Variants in BCLAF1 observed in about 807,000 individuals in gnomAD.
BCLAF1 encodes the protein bcl-2-associated transcription factor 1.
In BCLAF1, 10 loss-of-function variants were observed where a neutral mutation model predicts 99.5. The ratio of observed to expected loss-of-function variants is 0.10; its 90% CI spans 0.06 to 0.17. BCLAF1 has a LOEUF of 0.17. BCLAF1 is among the 10% of genes least tolerant of loss of function. The pLI is 1.00. For synonymous variants in BCLAF1, 255 were observed against 370.9 expected (o/e 0.69, Z 3.59); for missense variants, 636 against 1,105.8 (o/e 0.58, Z 6.02).
At chr6:136,277,502 AAGAGG>A (rs552170512) in intron 4 of BCLAF1, among the ~76,000 whole-genome samples, 487 of 152,298 alleles carry the variant, frequency 3.2e-3, no homozygotes, top group Non-Finnish European at 5.0e-3. Flanking sequence ...TGGTAAAATT[AAGAGG>A]AGGGATAGAA....
At chr6:136,266,569 A>C (rs1781743315) in intron 11 of BCLAF1, among the ~76,000 whole-genome samples, 1 of 152,046 alleles carries the variant, frequency 6.6e-6, no homozygotes, top group Non-Finnish European at 1.5e-5. Context: ...GTAATTTTTC[A>C]TCATCTTTTT....
chr6:136,270,196 T>C (rs1344479445), intron 8 of BCLAF1: 1 of 151,856 alleles, frequency 6.6e-6, no homozygotes, highest in Non-Finnish European at 1.5e-5. Context: ...AACCAATTGG[T>C]TGAACAAGGG....
intron 1 of BCLAF1, among the ~76,000 whole-genome samples, chr6:136,283,178 C>CAAAAAAA (rs1173234336): frequency 1.9e-5 from 1 of 52,036 alleles, no homozygotes; most frequent in African/African-American, 7.8e-5. Flanking sequence ...GACCCCATCT[C>CAAAAAAA]AAAAAAAAAA....
chr6:136,271,079 CA>C (rs1300245649), intron 8 of BCLAF1, among the ~76,000 whole-genome samples: 1 of 151,670 alleles, frequency 6.6e-6, no homozygotes, highest in East Asian at 1.9e-4. Context: ...TACCACTGTC[CA>C]TAACAGCTTC....
At chr6:136,274,371 T>C (rs941163574) in intron 6 of BCLAF1, among the ~76,000 whole-genome samples, 3 of 148,258 alleles carry the variant, frequency 2.0e-5, no homozygotes, top group African/African-American at 7.4e-5. Flanking sequence ...CAGTAATAAA[T>C]TGTAAAATGT....
intron 8 of BCLAF1, among the ~76,000 whole-genome samples, chr6:136,271,473 T>G (rs1006497553): frequency 3.3e-5 from 5 of 151,890 alleles, no homozygotes; most frequent in Admixed American, 6.6e-5. Flanking sequence ...TTAAAAGACA[T>G]TCCCCCAATC....
intron 4 of BCLAF1, 77 bp downstream of exon 4, chr6:136,277,788 T>A (rs2128482500): frequency 6.8e-7 from 1 of 1,478,270 alleles, no homozygotes; most frequent in Admixed American, 2.3e-5. Flanking sequence ...ATATCACAAT[T>A]TTACGTTTAT....
At chr6:136,288,886 T>C (rs1041209167) in intron 1 of BCLAF1, among the ~76,000 whole-genome samples, 9 of 152,214 alleles carry the variant, frequency 5.9e-5, no homozygotes, top group Non-Finnish European at 1.3e-4. Context: ...AAGACTCGGC[T>C]TCGCTAGTAC....
In BCLAF1 at chr6:136,278,748, T is replaced by C; in HGVS notation, c.133A>G (p.Arg45Gly). 6.3e-7 allele frequency: 1 copy of C among 1,578,558 alleles called. No homozygotes were observed. Among genetic ancestry groups the C allele is most frequent in the Non-Finnish European group, 8.6e-7 (1 of 1,165,630 alleles). ...SSRSRSRTYS[R>G]SRSRDRMYSR... ...TACATACGATCTCTACTACGAGACC[T>C]TGAATATGTTCTGGAACGAGACCTA... is the stretch of plus-strand genomic sequence containing the variant. Residue 45 changes from arginine (R) to glycine (G), a missense_variant, in exon 4 of 13, where the codon AGG becomes GGG. Arg to Gly is a moderately radical substitution (Grantham distance 125). This residue lies in a region of BCLAF1 where 81 missense variants were observed against 132.5 expected (regional missense o/e 0.61). Coordinates refer to ENST00000531224, the MANE Select transcript of BCLAF1 (RefSeq NM_014739.3).
chr6:136,269,086 GGGT>G (rs1782152645), intron 9 of BCLAF1: 11 of 1,129,842 alleles, frequency 9.7e-6, no homozygotes, highest in Non-Finnish European at 1.2e-5. Flanking sequence ...CTTGTACTCT[GGGT>G]GTTATGAGTT....
intron 6 of BCLAF1, 32 bp from the exon 7 acceptor site, chr6:136,273,219 G>C (rs200651745): frequency 6.4e-7 from 1 of 1,571,484 alleles, no homozygotes; most frequent in East Asian, 2.2e-5. Flanking sequence ...TGTCCGATTA[G>C]TTAACTTTAC....
At chr6:136,289,447 C>A (rs908005990) in intron 1 of BCLAF1, among the ~76,000 whole-genome samples, 5 of 152,130 alleles carry the variant, frequency 3.3e-5, no homozygotes, top group Admixed American at 2.6e-4. Context: ...CACGGGAGGC[C>A]GCGCGGGCTG....
chr6:136,275,772 G>C (rs1265668143), intron 5 of BCLAF1, 71 bp from the exon 6 acceptor site: 3 of 1,564,710 alleles, frequency 1.9e-6, no homozygotes, highest in Non-Finnish European at 1.7e-6. Flanking sequence ...GGTATGTTCA[G>C]AAAGTTTAAG....
rs1487576779 is a variant in BCLAF1 at position 136,260,860 on chromosome 6, C to T, written c.*250G>A. On this transcript the variant is annotated 3_prime_UTR_variant, in exon 13 of 13. Coordinates refer to ENST00000531224, the MANE Select transcript of BCLAF1 (RefSeq NM_014739.3). ...AGAATTACAATGCATGTAACAAAAA[C>T]GTTAAAAGTTTTAAAAGTTGATAGT... The T allele has an allele frequency of 1.7e-5, 8 of 477,940 alleles. No homozygotes were observed. The highest frequency in any genetic ancestry group is 1.5e-5 in the Non-Finnish European group (4 of 268,984). The allele number at this position is 477,940 out of a possible 1,614,324, so 29.6% of individuals were successfully genotyped here.
chr6:136,273,995 T>C, intron 6 of BCLAF1: 1 of 1,247,266 alleles, frequency 8.0e-7, no homozygotes. Flanking sequence ...TCATAACCAA[T>C]CATTAAAACT....
chr6:136,289,500 T>C (rs1785669947), intron 1 of BCLAF1, among the ~76,000 whole-genome samples: 1 of 152,220 alleles, frequency 6.6e-6, no homozygotes, highest in African/African-American at 2.4e-5. Context: ...CGCCCGCCGT[T>C]AGCACTGCTC....
At chr6:136,282,794 A>G (rs1459301440) in intron 1 of BCLAF1, 107 bp from the exon 2 acceptor site, 1 of 152,186 alleles carries the variant, frequency 6.6e-6, no homozygotes, top group Non-Finnish European at 1.5e-5. Flanking sequence ...ACGCACTTAC[A>G]ATTTCAGGGA....
rs1780528165 is a variant in BCLAF1, at chr6:136,257,392, G to A, written c.*3718C>T. ...CTGGTACCCTTAATTAAATGTACAA[G>A]TTTGGTCTCATTACCATCATTGACA... On this transcript the variant is annotated 3_prime_UTR_variant, in exon 13 of 13. Coordinates refer to ENST00000531224, the MANE Select transcript of BCLAF1 (RefSeq NM_014739.3). The A allele has an allele frequency of 6.6e-6, 1 of 152,116 alleles. No individual in the cohort carries two copies. The highest frequency in any genetic ancestry group is 2.4e-5 in the African/African-American group (1 of 41,422). 9.4% of individuals were successfully genotyped at this position (152,116 alleles called of 1,614,324 possible).
chr6:136,261,977 G>A (rs1351347157), intron 11 of BCLAF1, among the ~76,000 whole-genome samples: 1 of 152,074 alleles, frequency 6.6e-6, no homozygotes, highest in Non-Finnish European at 1.5e-5. Flanking sequence ...TAAATCTACT[G>A]AGATTGAAAT....
Sources: gnomAD v4.1 joint callset for allele counts (sites outside exome capture counted in the v4.1 genomes callset) on GRCh38, gnomAD v4.1.1 for gene constraint, gnomAD v4.1.1 regional missense constraint, MANE v1.5 for transcripts, NCBI Gene and HGNC (gene_info 2026-07-23, HGNC 2026-07-21) for gene names.